The following TRABD2B variants were observed in gnomAD, a reference collection of about 807,000 sequenced individuals.
TRABD2B encodes metalloprotease TIKI2.
In TRABD2B, 14 loss-of-function variants were observed where a neutral mutation model predicts 40.1. The ratio of observed to expected loss-of-function variants is 0.35; its 90% CI spans 0.23 to 0.55. The LOEUF (loss-of-function observed/expected upper bound fraction) is 0.55, where lower values mean the gene tolerates loss of function less well. Among genes scored for constraint, TRABD2B ranks in the 20% least tolerant of loss-of-function variants. The probability of loss-of-function intolerance (pLI) is 0.90; values close to 1 mark genes in which losing one functional copy is unlikely to be tolerated. For missense variants in TRABD2B, 541 were observed against 648.6 expected, an observed-to-expected ratio of 0.83 and a Z score of 1.80; for synonymous variants, 263 against 277.0, an observed-to-expected ratio of 0.95 and a Z score of 0.50.
Position 47,761,028 on chromosome 1 carries a change from G to C in TRABD2B, c.*4874C>G, listed in dbSNP as rs1233715189. The C allele has an allele frequency of 6.6e-6, 1 of 152,300 alleles. No homozygotes were observed. Among genetic ancestry groups the C allele is most frequent in the Non-Finnish European group, 1.5e-5 (1 of 68,092 alleles). 9.4% of individuals were successfully genotyped at this position (152,300 alleles called of 1,614,324 possible). The stretch of plus-strand genomic sequence containing the variant: ...TGCTTTCAATCCCATGGCAGCCTGT[G>C]GGTCCTGGGAAGAAAGCCAAGCACC... On this transcript the variant is annotated 3_prime_UTR_variant, in exon 7 of 7. Coordinates refer to ENST00000606738, the MANE Select transcript of TRABD2B (RefSeq NM_001194986.2).
intron 2 of TRABD2B, among the ~76,000 whole-genome samples, chr1:47,828,523 C>T (rs1364051896): frequency 3.9e-5 from 6 of 152,306 alleles, no homozygotes; most frequent in South Asian, 2.1e-4. Context: ...ATATGACCTA[C>T]GGTTTGTAGA....
intron 4 of TRABD2B, among the ~76,000 whole-genome samples, chr1:47,783,036 G>A (rs1293805114): frequency 6.6e-6 from 1 of 152,160 alleles, no homozygotes; most frequent in East Asian, 1.9e-4. Flanking sequence ...GGACCATGGG[G>A]TGGGGGGGTT....
chr1:47,953,589 C>A (rs1645376819), intron 2 of TRABD2B, among the ~76,000 whole-genome samples: 1 of 152,148 alleles, frequency 6.6e-6, no homozygotes, highest in South Asian at 2.1e-4. Flanking sequence ...ATCAGGCAAC[C>A]TGTAACTTAC....
At position 47,994,060 on chromosome 1, in the gene TRABD2B, G is replaced by T; in HGVS notation, c.640C>A (p.Leu214Ile). 1 of 1,535,854 alleles carries T rather than the reference G, an allele frequency of 6.5e-7. No individual in the cohort carries two copies. Among genetic ancestry groups the T allele is most frequent in the Non-Finnish European group, 8.7e-7 (1 of 1,146,652 alleles). The change falls in exon 2 of 7, where the codon CTC becomes ATC. Residue 214 changes from leucine (L) to isoleucine (I), a missense_variant. By Grantham distance (5) the Leu-to-Ile change is conservative (BLOSUM62 2). Coordinates refer to ENST00000606738, the MANE Select transcript of TRABD2B (RefSeq NM_001194986.2). This position sits in a 1 kb window ranked among gnomAD's most constrained non-coding sequence, Gnocchi z 6.7. Reference protein sequence around the residue: ...VEQVEEQCHPLNNGLNFSQVL... With the variant: ...VEQVEEQCHPINNGLNFSQVL... ...TGGGAGAAGTTGAGCCCGTTGTTGAGGGGATGGCACTGCTCCTCCACCTGC... is the reference window on the plus strand; with the variant it reads ...TGGGAGAAGTTGAGCCCGTTGTTGATGGGATGGCACTGCTCCTCCACCTGC...
chr1:47,879,565 G>A (rs1340211), intron 2 of TRABD2B, among the ~76,000 whole-genome samples: 45,897 of 151,928 alleles, frequency 0.3, 7,032 homozygotes, highest in East Asian at 0.46. Context: ...ACGCGTATGC[G>A]TGTCATTAAG....
chr1:47,862,954 A>T (rs1199877813), intron 2 of TRABD2B, among the ~76,000 whole-genome samples: 2 of 152,188 alleles, frequency 1.3e-5, no homozygotes, highest in Non-Finnish European at 2.9e-5. Flanking sequence ...CTAATCTTTG[A>T]CACAGGCACT....
rs12022059 is a variant in TRABD2B at position 47,814,682 on chromosome 1, A to G, written c.667-13063T>C. ...GAGCCCCACTTGAGGGAGCGGTTGG[A>G]CAAATGCAGATGAGACCCAGAATGG... On this transcript the variant is annotated intron_variant, in intron 2 of 6. Transcript: ENST00000606738. Among the ~76,000 whole-genome samples the G allele has an allele frequency of 2.0e-4, 30 of 152,242 alleles. No homozygotes were observed. In the East Asian group the frequency reaches 5.6e-3, roughly 29 times the overall value.
intron 4 of TRABD2B, among the ~76,000 whole-genome samples, chr1:47,790,333 C>T (rs1301473146): frequency 1.3e-5 from 2 of 152,126 alleles, no homozygotes; most frequent in Admixed American, 1.3e-4. Context: ...TCCATGGCCA[C>T]AGCCTGGCTA....
At chr1:47,971,344 C>G (rs1029537740) in intron 2 of TRABD2B, among the ~76,000 whole-genome samples, 2 of 152,188 alleles carry the variant, frequency 1.3e-5, no homozygotes, top group African/African-American at 4.8e-5. Flanking sequence ...TCAGCTCTCT[C>G]AATACATGAG....
At chr1:47,831,260 G>C (rs1239639240) in intron 2 of TRABD2B, among the ~76,000 whole-genome samples, 1 of 152,146 alleles carries the variant, frequency 6.6e-6, no homozygotes, top group Non-Finnish European at 1.5e-5. Flanking sequence ...CTCGGTGGGA[G>C]AGCAGAATTA....
chr1:47,939,346 G>C (rs576798181), intron 2 of TRABD2B, among the ~76,000 whole-genome samples: 2 of 152,286 alleles, frequency 1.3e-5, no homozygotes, highest in East Asian at 3.9e-4. Context: ...TGGATGTTGT[G>C]ATTTAAGTTA....
intron 2 of TRABD2B, among the ~76,000 whole-genome samples, chr1:47,924,272 C>T (rs1331122596): frequency 6.6e-6 from 1 of 152,164 alleles, no homozygotes; most frequent in African/African-American, 2.4e-5. Flanking sequence ...CCAAGGTTTA[C>T]CCCCTTCAGA....
chr1:47,840,147 C>T lies in TRABD2B; in HGVS notation c.667-38528G>A, dbSNP rs762559514. Among the ~76,000 whole-genome samples the T allele has an allele frequency of 2.6e-5, 4 of 152,130 alleles. 1 individual carries two copies. The South Asian group carries it at 8.3e-4, about 31-fold the overall frequency. On this transcript the variant is annotated intron_variant, in intron 2 of 6. Transcript: ENST00000606738. ...GGACCAGGACCATGAGTCCTGGTCACTATCACAGCAGATGGTGGGCACTAT... is the reference window on the plus strand; with the variant it reads ...GGACCAGGACCATGAGTCCTGGTCATTATCACAGCAGATGGTGGGCACTAT...
chr1:47,899,022 C>G (rs1644562149), intron 2 of TRABD2B, among the ~76,000 whole-genome samples: 1 of 152,222 alleles, frequency 6.6e-6, no homozygotes, highest in South Asian at 2.1e-4. Flanking sequence ...TTGGAGAAGG[C>G]CTTACATCCA....
chr1:47,880,042 G>A lies in TRABD2B; in HGVS notation c.667-78423C>T, dbSNP rs117573723. 1.4e-4 allele frequency among the ~76,000 whole-genome samples: 22 copies of A among 152,334 alleles called. No individual in the cohort carries two copies. In the East Asian group the frequency reaches 3.5e-3, roughly 24 times the overall value. ...ATGTAAATACAGGCCAGGAGCAGCG[G>A]CTCACGCCTGTAATCCCGGCATTTT... On this transcript the variant is annotated intron_variant, in intron 2 of 6. Transcript: ENST00000606738.
At chr1:47,938,217 C>T (rs1845964) in intron 2 of TRABD2B, among the ~76,000 whole-genome samples, 142,585 of 152,236 alleles carry the variant, frequency 0.94, 67,266 homozygotes, top group Non-Finnish European at 0.99. Context: ...AAGTGTTATA[C>T]AGGTGAGCGG....
At position 47,765,677 on chromosome 1, in the gene TRABD2B, A is replaced by C. The variant is rs1644292619; in HGVS notation, c.*225T>G. 1 of 599,320 alleles carries C rather than the reference A, an allele frequency of 1.7e-6. No homozygotes were observed. 37.1% of individuals were successfully genotyped at this position (599,320 alleles called of 1,614,324 possible). ...AATACATTTTTCTTTTTTAATATGG[A>C]CACGTATTTTACAAAAGAGCCCCAT... On this transcript the variant is annotated 3_prime_UTR_variant, in exon 7 of 7. Transcript: ENST00000606738.
At chr1:47,922,201 T>G (rs1644911932) in intron 2 of TRABD2B, among the ~76,000 whole-genome samples, 1 of 152,184 alleles carries the variant, frequency 6.6e-6, no homozygotes, top group African/African-American at 2.4e-5. Context: ...GGGAGAGGGA[T>G]CCACGCTGTG....
At chr1:47,818,827 T>C (rs960645330) in intron 2 of TRABD2B, 2 of 152,250 alleles carry the variant, frequency 1.3e-5, no homozygotes, top group Non-Finnish European at 1.5e-5. Context: ...ATTGAAGTGC[T>C]GGGATTTCAC....
Sources: allele counts gnomAD v4.1 joint callset (sites outside exome capture counted in the v4.1 genomes callset), GRCh38; gene constraint gnomAD v4.1.1; non-coding constraint Gnocchi (gnomAD v3.1); transcripts MANE v1.5; gene names NCBI Gene and HGNC (gene_info 2026-07-23, HGNC 2026-07-21).